ACAN: variants seen among roughly 807,000 people sequenced by gnomAD.
ACAN encodes the protein aggrecan core protein.
In ACAN, 47 loss-of-function variants were observed where a neutral mutation model predicts 169.1. The observed-to-expected ratio is 0.28, with a 90% confidence interval of 0.22 to 0.35. ACAN has a LOEUF of 0.35. Ranked by LOEUF, ACAN falls within the 10% of genes least tolerant of loss-of-function variation. The pLI is 1.00. For missense variants in ACAN, 2,716 were observed against 2,759.9 expected (o/e 0.98, Z 0.36); for synonymous variants, 1,115 against 1,112.2 (o/e 1.00, Z -0.05).
At chr15:88,865,688 A>G (rs1301298779) in intron 13 of ACAN, among the ~76,000 whole-genome samples, 1 of 151,998 alleles carries the variant, frequency 6.6e-6, no homozygotes, top group Admixed American at 6.6e-5. Flanking sequence ...CTTATCCAGG[A>G]TCCATCACTC....
chr15:88,834,941 G>A (rs1007773801), intron 1 of ACAN, among the ~76,000 whole-genome samples: 9 of 152,318 alleles, frequency 5.9e-5, no homozygotes, highest in Middle Eastern at 3.4e-3. Flanking sequence ...GTCCACCTAT[G>A]CTGGAGTCAG....
chr15:88,820,876 T>G (rs879458373), intron 1 of ACAN, among the ~76,000 whole-genome samples: 1 of 152,158 alleles, frequency 6.6e-6, no homozygotes, highest in Non-Finnish European at 1.5e-5. Flanking sequence ...CTGGGTAATT[T>G]ATAAAGGAAA....
chr15:88,838,322 C>A lies in ACAN; in HGVS notation c.71-341C>A, dbSNP rs1896557354. On this transcript the variant is annotated intron_variant, in intron 2 of 18. Transcript: ENST00000560601. The surrounding 1 kb of genome is among the most constrained non-coding windows in gnomAD (Gnocchi z 5.1). Reference sequence around the variant, plus strand: ...CCAAGGAGATGGGTCCTGTTTTATTCCACGCTTTGGTGCCCACTGCAGTAC... The same window carrying A: ...CCAAGGAGATGGGTCCTGTTTTATTACACGCTTTGGTGCCCACTGCAGTAC... 6.6e-6 allele frequency among the ~76,000 whole-genome samples: 1 copy of A among 152,128 alleles called. No homozygotes were observed.
chr15:88,873,116 C>T lies in ACAN; in HGVS notation c.7447+91C>T, dbSNP rs1897423321. The T allele has an allele frequency of 6.8e-7, 1 of 1,471,236 alleles. No individual in the cohort carries two copies. The highest frequency in any genetic ancestry group is 9.1e-7 in the Non-Finnish European group (1 of 1,093,772). 91.1% of individuals were successfully genotyped at this position (1,471,236 alleles called of 1,614,324 possible). A position where few individuals can be genotyped will look rare whatever the true frequency, so the allele number is the denominator to read the frequency against. The stretch of plus-strand genomic sequence containing the variant: ...CTTGCTGTGTGGCCTGGGGTGAGTC[C>T]CTTGTCTTCTGGCTGCTGGTGTCTC... On this transcript the variant is annotated intron_variant, in intron 17 of 18. Transcript: ENST00000560601. This position sits in a 1 kb window ranked among gnomAD's most constrained non-coding sequence, Gnocchi z 7.5.
chr15:88,820,278 C>T (rs552596841), intron 1 of ACAN, among the ~76,000 whole-genome samples: 12 of 152,246 alleles, frequency 7.9e-5, no homozygotes, highest in African/African-American at 1.7e-4. Flanking sequence ...ACAGGCAGCA[C>T]GTGCTCCTGC....
At position 88,874,066 on chromosome 15, in the gene ACAN, T is replaced by C. The variant is rs1236908958; in HGVS notation, c.7630+42T>C. The stretch of plus-strand genomic sequence containing the variant: ...CCATCTCGCTGAGCACAGGGTTAGA[T>C]TCTGCCAGCACAGCCTTCCCCCCGT... On this transcript the variant is annotated intron_variant, in intron 18 of 18. Coordinates refer to ENST00000560601, the MANE Select transcript of ACAN (RefSeq NM_001369268.1). This position sits in a 1 kb window ranked among gnomAD's most constrained non-coding sequence, Gnocchi z 7.3. The C allele has an allele frequency of 4.4e-6, 7 of 1,600,492 alleles. No homozygotes were observed. The East Asian group carries it at 1.6e-4, about 36-fold the overall frequency.
At position 88,857,936 on chromosome 15, in the gene ACAN, A is replaced by G. The variant is rs779530084; in HGVS notation, c.5351A>G (p.Asp1784Gly). The G allele has an allele frequency of 6.2e-7, 1 of 1,613,704 alleles. No individual in the cohort carries two copies. The highest frequency in any genetic ancestry group is 1.1e-5 in the South Asian group (1 of 91,058). Residue 1784 changes from aspartate (D) to glycine (G), a missense_variant, in exon 12 of 19, where the codon GAT becomes GGT. Physicochemically the swap from Asp to Gly is moderately conservative, Grantham distance 94. Coordinates refer to ENST00000560601, the MANE Select transcript of ACAN (RefSeq NM_001369268.1). ...ACTAGTCAACCCTTTGGCATAACTG[A>G]TCTGAGTGGAGAAACATCTGGGGTC... ...YGTSQPFGIT[D>G]LSGETSGVPD... is the part of the protein sequence containing the mutation.
At chr15:88,809,562 A>G (rs1309897889) in intron 1 of ACAN, among the ~76,000 whole-genome samples, 2 of 152,226 alleles carry the variant, frequency 1.3e-5, no homozygotes, top group African/African-American at 2.4e-5. Context: ...CCATAGTACT[A>G]TAAATTCCTT....
chr15:88,827,430 T>A (rs1438677013), intron 1 of ACAN, among the ~76,000 whole-genome samples: 1 of 152,248 alleles, frequency 6.6e-6, no homozygotes, highest in Non-Finnish European at 1.5e-5. Flanking sequence ...ATGCAAATTG[T>A]ATGTGGGTGG....
At chr15:88,862,890 C>T (rs1468237937) in intron 13 of ACAN, among the ~76,000 whole-genome samples, 3 of 150,702 alleles carry the variant, frequency 2.0e-5, no homozygotes, top group Non-Finnish European at 2.9e-5. Context: ...CCTAGCTACT[C>T]GGGAGGCTGA....
rs189366191 is a variant in ACAN, at chr15:88,845,318, C to A, written c.1052-187C>A. Among the ~76,000 whole-genome samples the A allele has an allele frequency of 4.6e-3, 701 of 152,314 alleles. 19 individuals carry two copies. The highest frequency in any genetic ancestry group is 0.042 in the Admixed American group (638 of 15,304). On this transcript the variant is annotated intron_variant, in intron 6 of 18. Coordinates refer to ENST00000560601, the MANE Select transcript of ACAN (RefSeq NM_001369268.1). ...TCTTGCAATCTTGAAACTGTGGGGA[C>A]TCCTACAATGAATGCCGATAGCTGA...
At chr15:88,836,398 C>A in intron 2 of ACAN, 122 bp downstream of exon 2, 2 of 858,990 alleles carry the variant, frequency 2.3e-6, no homozygotes, top group African/African-American at 1.7e-5. Flanking sequence ...CTGGACTTTT[C>A]CTGGCCCCAC....
intron 2 of ACAN, among the ~76,000 whole-genome samples, chr15:88,837,919 C>A: frequency 1.5e-5 from 1 of 66,862 alleles, no homozygotes; most frequent in East Asian, 5.3e-4. Context: ...TGTTTTTTTT[C>A]TTTTTTTTTT....
rs1897407082 is a variant in ACAN, at chr15:88,872,614, A to G, written c.7303-267A>G. Among the ~76,000 whole-genome samples, 1 of 152,030 alleles carries G rather than the reference A, an allele frequency of 6.6e-6. No homozygotes were observed. The highest frequency in any genetic ancestry group is 2.4e-5 in the African/African-American group (1 of 41,384). On this transcript the variant is annotated intron_variant, in intron 16 of 18. Coordinates refer to ENST00000560601, the MANE Select transcript of ACAN (RefSeq NM_001369268.1). This position sits in a 1 kb window ranked among gnomAD's most constrained non-coding sequence, Gnocchi z 5.4. ...AGGTGTGGAATCAGCTCATGTACAG[A>G]GCCTGTGAGTCTTGGGGGTTCTGAG...
At chr15:88,828,867 G>A (rs147638763) in intron 1 of ACAN, among the ~76,000 whole-genome samples, 1 of 152,302 alleles carries the variant, frequency 6.6e-6, no homozygotes, top group Non-Finnish European at 1.5e-5. Context: ...ACCCAGAGCC[G>A]ACTCACTCAT....
intron 1 of ACAN, among the ~76,000 whole-genome samples, chr15:88,829,589 G>A (rs186641700): frequency 2.6e-5 from 4 of 152,220 alleles, no homozygotes; most frequent in African/African-American, 9.6e-5. Context: ...TCTTGTTCAT[G>A]AGCGAGTGAC....
intron 1 of ACAN, among the ~76,000 whole-genome samples, chr15:88,804,036 G>C (rs1484942765): frequency 2.6e-5 from 4 of 152,242 alleles, no homozygotes; most frequent in Non-Finnish European, 5.9e-5. Context: ...AACACGTGAG[G>C]AGGGGCACTT....
Position 88,807,039 on chromosome 15 carries a change from AT to A in ACAN, c.-8+3240del, listed in dbSNP as rs113485175. Among the ~76,000 whole-genome samples, 3,332 of 150,462 alleles carry A rather than the reference AT, an allele frequency of 0.022. 110 individuals are homozygous for A. Among genetic ancestry groups the A allele is most frequent in the African/African-American group, 0.071 (2,931 of 41,018 alleles). ...TGATATTTGCATATATTTTTATTTA[AT>A]TTTTTTTTTACTATATTGGTCCCAA... On this transcript the variant is annotated intron_variant, in intron 1 of 18. Coordinates refer to ENST00000560601, the MANE Select transcript of ACAN (RefSeq NM_001369268.1). The surrounding 1 kb of genome is among the most constrained non-coding windows in gnomAD (Gnocchi z 4.0).
Position 88,849,720 on chromosome 15 carries a change from T to G in ACAN, c.2015T>G (p.Phe672Cys). 1 of 1,613,784 alleles carries G rather than the reference T, an allele frequency of 6.2e-7. No homozygotes were observed. The highest frequency in any genetic ancestry group is 1.1e-5 in the South Asian group (1 of 91,066). ...GACCCACTGTCCCGGCACCATGCCT[T>G]CTGCTTCCGAGGTATGCAGCCTCAC... ...LPDPLSRHHAFCFRGISAVPS... is the reference protein window; with the variant it reads ...LPDPLSRHHACCFRGISAVPS... The change falls in exon 10 of 19, where the codon TTC becomes TGC. Residue 672 changes from phenylalanine (F) to cysteine (C), a missense_variant. Phe to Cys is a radical substitution (Grantham distance 205). This residue lies in a region of ACAN where 1,283 missense variants were observed against 1,281.5 expected (regional missense o/e 1.00). Coordinates refer to ENST00000560601, the MANE Select transcript of ACAN (RefSeq NM_001369268.1). The surrounding 1 kb of genome is among the most constrained non-coding windows in gnomAD (Gnocchi z 5.1).
Sources: gnomAD v4.1 joint callset for allele counts (sites outside exome capture counted in the v4.1 genomes callset) on GRCh38, gnomAD v4.1.1 for gene constraint, gnomAD v4.1.1 regional missense constraint, Gnocchi (gnomAD v3.1) non-coding constraint, MANE v1.5 for transcripts, NCBI Gene and HGNC (gene_info 2026-07-23, HGNC 2026-07-21) for gene names.